NOSTRIN: variants seen among roughly 807,000 people sequenced by gnomAD.
NOSTRIN encodes BM247 homolog.
In NOSTRIN, 63 loss-of-function variants were observed where a neutral mutation model predicts 59.0. The observed-to-expected ratio is 1.07, with a 90% CI of 0.87 to 1.32. NOSTRIN has a LOEUF of 1.32. NOSTRIN is among the 40% of genes most tolerant of loss of function. The probability of loss-of-function intolerance (pLI) is 0.00; values close to 1 mark genes in which losing one functional copy is unlikely to be tolerated. For missense variants in NOSTRIN, 512 were observed against 473.1 expected, an observed-to-expected ratio of 1.08 and a Z score of -0.76; for synonymous variants, 200 against 165.4, an observed-to-expected ratio of 1.21 and a Z score of -1.61.
chr2:168,802,633 A>G, upstream of NOSTRIN: 1 of 868,494 alleles, frequency 1.2e-6, no homozygotes, highest in East Asian at 2.4e-5. Context: ...GACAAAAGCC[A>G]GACACATTTC....
At chr2:168,804,216 T>A (rs1396341943) in intron 1 of NOSTRIN, among the ~76,000 whole-genome samples, 1 of 152,196 alleles carries the variant, frequency 6.6e-6, no homozygotes, top group Non-Finnish European at 1.5e-5. Flanking sequence ...AGGCAACCCA[T>A]AACCACACTT....
intron 8 of NOSTRIN, 60 bp from the exon 9 acceptor site, chr2:168,851,024 G>A: frequency 1.0e-6 from 1 of 992,782 alleles, no homozygotes; most frequent in Non-Finnish European, 1.6e-6. Flanking sequence ...AGTGTTTGAT[G>A]AGTGACTTCC....
intron 5 of NOSTRIN, among the ~76,000 whole-genome samples, chr2:168,829,118 G>A (rs1687220391): frequency 6.6e-6 from 1 of 151,898 alleles, no homozygotes; most frequent in Admixed American, 6.6e-5. Context: ...ATTATGTAAA[G>A]GTAATAATGA....
chr2:168,861,214 G>A (rs1169498620), intron 14 of NOSTRIN, among the ~76,000 whole-genome samples: 1 of 152,122 alleles, frequency 6.6e-6, no homozygotes, highest in Non-Finnish European at 1.5e-5. Flanking sequence ...ATCGTGAGGA[G>A]CTTTGTCGCT....
intron 2 of NOSTRIN, among the ~76,000 whole-genome samples, chr2:168,819,994 A>G (rs1559112534): frequency 6.6e-6 from 1 of 152,140 alleles, no homozygotes; most frequent in Non-Finnish European, 1.5e-5. Flanking sequence ...GGCTGCTGTG[A>G]ATTGGGACTC....
At chr2:168,847,387 C>T (rs1295839333) in intron 8 of NOSTRIN, among the ~76,000 whole-genome samples, 2 of 152,136 alleles carry the variant, frequency 1.3e-5, no homozygotes, top group East Asian at 3.9e-4. Context: ...GATTCCTGAT[C>T]ACCTCCCTAG....
At chr2:168,838,066 A>G (rs1687845227) in intron 7 of NOSTRIN, among the ~76,000 whole-genome samples, 1 of 152,174 alleles carries the variant, frequency 6.6e-6, no homozygotes, top group African/African-American at 2.4e-5. Flanking sequence ...TACATACTCA[A>G]TAAGTATATT....
upstream of NOSTRIN, among the ~76,000 whole-genome samples, chr2:168,798,824 TAGAC>T (rs1553519850): frequency 1.3e-4 from 20 of 150,624 alleles, no homozygotes; most frequent in Admixed American, 1.1e-3. Flanking sequence ...GATAGATAGA[TAGAC>T]AGACAGACAG....
intron 2 of NOSTRIN, among the ~76,000 whole-genome samples, chr2:168,793,145 CA>C (rs1685399787): frequency 6.6e-6 from 1 of 152,170 alleles, no homozygotes; most frequent in Non-Finnish European, 1.5e-5. Flanking sequence ...GTCCATCACC[CA>C]GTCTTGCTGG....
intron 5 of NOSTRIN, 66 bp downstream of exon 5, chr2:168,828,567 G>A: frequency 1.6e-6 from 1 of 632,672 alleles, no homozygotes; most frequent in Non-Finnish European, 2.7e-6. Flanking sequence ...CCCAGAAAAG[G>A]AAAAGGTGAT....
At chr2:168,802,315 C>T (rs1198962729), upstream of NOSTRIN, 3 of 291,780 alleles carry the variant, frequency 1.0e-5, no homozygotes, top group East Asian at 1.4e-4. Flanking sequence ...ACTGTCAGAC[C>T]AAGCGCAAGA....
chr2:168,854,301 A>G (rs922326309), intron 10 of NOSTRIN, among the ~76,000 whole-genome samples: 14 of 152,164 alleles, frequency 9.2e-5, no homozygotes, highest in African/African-American at 3.1e-4. Flanking sequence ...AGCTCCATCT[A>G]AAGGTAATCT....
chr2:168,808,284 G>A (rs989269997), intron 1 of NOSTRIN, among the ~76,000 whole-genome samples: 1 of 152,194 alleles, frequency 6.6e-6, no homozygotes, highest in African/African-American at 2.4e-5. Context: ...ACTTCTATGT[G>A]CAGACTATCC....
At chr2:168,849,892 A>G (rs1688651526) in intron 8 of NOSTRIN, among the ~76,000 whole-genome samples, 1 of 147,478 alleles carries the variant, frequency 6.8e-6, no homozygotes, top group East Asian at 2.0e-4. Context: ...CTCAGTTGGC[A>G]TGGGTCCAAT....
At chr2:168,843,498 G>A (rs1350109620) in intron 8 of NOSTRIN, among the ~76,000 whole-genome samples, 1 of 152,166 alleles carries the variant, frequency 6.6e-6, no homozygotes, top group Non-Finnish European at 1.5e-5. Context: ...CATCGTGTTA[G>A]GCACTGGAGA....
chr2:168,790,420 C>T (rs1279989698), intron 2 of NOSTRIN, among the ~76,000 whole-genome samples: 2 of 152,156 alleles, frequency 1.3e-5, no homozygotes, highest in Non-Finnish European at 2.9e-5. Flanking sequence ...CTGGCAGACA[C>T]CATCCTAATC....
chr2:168,802,351 T>A, upstream of NOSTRIN: 1 of 352,684 alleles, frequency 2.8e-6, no homozygotes, highest in Non-Finnish European at 5.4e-6. Flanking sequence ...TTACAGCTTC[T>A]CTGCCTTCTC....
At chr2:168,861,353 C>T (rs1689434059) in intron 14 of NOSTRIN, among the ~76,000 whole-genome samples, 1 of 152,142 alleles carries the variant, frequency 6.6e-6, no homozygotes, top group Non-Finnish European at 1.5e-5. Flanking sequence ...CATCTGACTT[C>T]AGTCATTCAT....
At chr2:168,832,282 A>C (rs919015698) in intron 6 of NOSTRIN, among the ~76,000 whole-genome samples, 8 of 152,232 alleles carry the variant, frequency 5.3e-5, no homozygotes, top group African/African-American at 1.9e-4. Context: ...TATCTGTATG[A>C]GTTCTTAAGC....
Sources: allele counts gnomAD v4.1 joint callset (sites outside exome capture counted in the v4.1 genomes callset), GRCh38; gene constraint gnomAD v4.1.1; transcripts MANE v1.5; gene names NCBI Gene and HGNC (gene_info 2026-07-23, HGNC 2026-07-21).